Variants in ZFR observed in about 807,000 individuals in gnomAD.
ZFR encodes zinc finger RNA binding protein.
Under a neutral mutation model 130.7 loss-of-function variants are expected in ZFR, and 19 were observed. That is an observed-to-expected ratio of 0.15 (90% CI 0.10 to 0.21). The LOEUF is 0.21. Among genes scored for constraint, ZFR ranks in the 10% least tolerant of loss-of-function variants. The pLI, the probability that ZFR is intolerant of heterozygous loss-of-function variation, is 1.00. For missense variants in ZFR, 872 were observed against 1,321.5 expected (o/e 0.66, Z 5.27); for synonymous variants, 466 against 456.9 (o/e 1.02, Z -0.25).
At chr5:32,441,709 GTTA>G (rs1754479425) in intron 2 of ZFR, among the ~76,000 whole-genome samples, 1 of 152,120 alleles carries the variant, frequency 6.6e-6, no homozygotes, top group African/African-American at 2.4e-5. Flanking sequence ...ATGTGCTTTT[GTTA>G]TTAATGTTAT....
At chr5:32,355,987 T>G in intron 19 of ZFR, 48 bp from the exon 20 acceptor site, 1 of 1,476,228 alleles carries the variant, frequency 6.8e-7, no homozygotes, top group Non-Finnish European at 9.1e-7. Flanking sequence ...AAACCCCAAG[T>G]AGTAATACTT....
intron 2 of ZFR, among the ~76,000 whole-genome samples, chr5:32,437,420 A>AC (rs995098949): frequency 5.9e-5 from 9 of 152,152 alleles, no homozygotes; most frequent in Admixed American, 5.2e-4. Flanking sequence ...ACAAAAAAAA[A>AC]CCCAAAGTTT....
intron 2 of ZFR, among the ~76,000 whole-genome samples, chr5:32,443,841 T>C (rs1384874410): frequency 2.6e-5 from 4 of 151,966 alleles, no homozygotes; most frequent in Admixed American, 1.3e-4. Flanking sequence ...ATCCCCCAAG[T>C]GGGAAGAAGA....
chr5:32,354,645 A>G lies in ZFR; in HGVS notation c.*1115T>C, dbSNP rs1752267667. 6.6e-6 allele frequency: 1 copy of G among 152,622 alleles called. No homozygotes were observed. The highest frequency in any genetic ancestry group is 1.5e-5 in the Non-Finnish European group (1 of 68,014). 9.5% of individuals were successfully genotyped at this position (152,622 alleles called of 1,614,324 possible). ...TGTTTTTTTCCTTAGATAATTTTTTATCAGTAATACTTTATCAACCTCACT... is the reference window on the plus strand; with the variant it reads ...TGTTTTTTTCCTTAGATAATTTTTTGTCAGTAATACTTTATCAACCTCACT... On this transcript the variant is annotated 3_prime_UTR_variant, in exon 20 of 20. Transcript: ENST00000265069.
Position 32,395,047 on chromosome 5 carries a change from T to C in ZFR, c.1979+112A>G, listed in dbSNP as rs182131527. 4.5e-5 allele frequency: 62 copies of C among 1,369,708 alleles called. No homozygotes were observed. The Admixed American group carries it at 1.3e-3, about 28-fold the overall frequency. The allele number at this position is 1,369,708 out of a possible 1,614,324, so 84.8% of individuals were successfully genotyped here. A position where few individuals can be genotyped will look rare whatever the true frequency, so the allele number is the denominator to read the frequency against. ...CTAGGATCTTCCTCAAGAGTGAAAA[T>C]TGGAAGTAAATAAATCTGGATTGCT... is the stretch of plus-strand genomic sequence containing the variant. On this transcript the variant is annotated intron_variant, in intron 11 of 19. Transcript: ENST00000265069.
chr5:32,386,711 G>T (rs1440833970), intron 14 of ZFR, among the ~76,000 whole-genome samples: 2 of 152,036 alleles, frequency 1.3e-5, no homozygotes, highest in Non-Finnish European at 2.9e-5. Flanking sequence ...ACAAGCAACA[G>T]TAAGTGCAGA....
At chr5:32,397,081 T>G in intron 10 of ZFR, 138 bp downstream of exon 10, 7 of 911,100 alleles carry the variant, frequency 7.7e-6, no homozygotes, top group Non-Finnish European at 1.1e-5. Flanking sequence ...TCTACCAACA[T>G]GACATGCTAA....
At chr5:32,417,913 T>A in intron 3 of ZFR, 121 bp from the exon 4 acceptor site, 1 of 876,688 alleles carries the variant, frequency 1.1e-6, no homozygotes, top group African/African-American at 1.7e-5. Flanking sequence ...ATGACAGACC[T>A]AAACATAAAA....
intron 2 of ZFR, among the ~76,000 whole-genome samples, chr5:32,442,412 G>C (rs182584099): frequency 6.6e-6 from 1 of 152,110 alleles, no homozygotes; most frequent in African/African-American, 2.4e-5. Context: ...AAAACCACTT[G>C]TACCCCAAAA....
chr5:32,369,797 G>A (rs572186270), intron 17 of ZFR, among the ~76,000 whole-genome samples: 2 of 152,218 alleles, frequency 1.3e-5, no homozygotes, highest in South Asian at 2.1e-4. Flanking sequence ...GAGTGACAGA[G>A]TGAAACTCTG....
At chr5:32,372,693 C>G (rs1008493656) in intron 17 of ZFR, among the ~76,000 whole-genome samples, 1 of 151,832 alleles carries the variant, frequency 6.6e-6, no homozygotes, top group Non-Finnish European at 1.5e-5. Flanking sequence ...ATTATCCAGA[C>G]ATGGTGGCGC....
chr5:32,423,345 T>A (rs1385940517), intron 2 of ZFR, among the ~76,000 whole-genome samples: 1 of 152,018 alleles, frequency 6.6e-6, no homozygotes, highest in African/African-American at 2.4e-5. Flanking sequence ...AAATTTTTTT[T>A]AAATTTAAAA....
chr5:32,383,678 AC>A (rs1460651098), intron 15 of ZFR: 8 of 444,676 alleles, frequency 1.8e-5, no homozygotes, highest in African/African-American at 1.6e-4. Context: ...TAACCCCTGT[AC>A]TAACTCCCCA....
At chr5:32,372,834 CA>C (rs201345321) in intron 17 of ZFR, among the ~76,000 whole-genome samples, 1 of 150,936 alleles carries the variant, frequency 6.6e-6, no homozygotes, top group Non-Finnish European at 1.5e-5. Context: ...GACTTGGTCT[CA>C]AAAAAACAAA....
rs143530492 is a variant in ZFR at position 32,390,411 on chromosome 5, C to T, written c.2006G>A (p.Arg669Lys). The T allele has an allele frequency of 1.5e-4, 244 of 1,613,980 alleles. No homozygotes were observed. The highest frequency in any genetic ancestry group is 2.0e-4 in the Non-Finnish European group (234 of 1,179,986). ...ATGATGTTGTTCTTCCTCCATTCTCCTCCAGTACATGTCCTCTTCATAACG... is the reference window on the plus strand; with the variant it reads ...ATGATGTTGTTCTTCCTCCATTCTCTTCCAGTACATGTCCTCTTCATAACG... ...MRRYEEDMYWRRMEEEQHHWD... is the reference protein window; with the variant it reads ...MRRYEEDMYWKRMEEEQHHWD... Residue 669 changes from arginine to lysine, a missense_variant, in exon 12 of 20, where the codon AGG (arginine) becomes AAG (lysine). Physicochemically the swap from Arg to Lys is conservative, Grantham distance 26. Transcript: ENST00000265069.
rs543473354 is a variant in ZFR, at chr5:32,392,949, C to T, written c.1979+2210G>A. Among the ~76,000 whole-genome samples the T allele has an allele frequency of 2.6e-5, 4 of 152,162 alleles. No individual in the cohort carries two copies. The South Asian group carries it at 6.2e-4, about 24-fold the overall frequency. On this transcript the variant is annotated intron_variant, in intron 11 of 19. Coordinates refer to ENST00000265069, the MANE Select transcript of ZFR (RefSeq NM_016107.5). ...GGTGGAGAGTGCAGTGAGCCAAGATCGTGCCATTGCACTCCAGCCTCGGCA... is the reference window on the plus strand; with the variant it reads ...GGTGGAGAGTGCAGTGAGCCAAGATTGTGCCATTGCACTCCAGCCTCGGCA...
chr5:32,412,054 G>A (rs781184095), intron 5 of ZFR, among the ~76,000 whole-genome samples: 4 of 152,178 alleles, frequency 2.6e-5, no homozygotes, highest in Non-Finnish European at 5.9e-5. Context: ...AAAGGATTTT[G>A]CAACTACCAC....
At chr5:32,398,262 G>C (rs1229501553) in intron 9 of ZFR, among the ~76,000 whole-genome samples, 1 of 152,174 alleles carries the variant, frequency 6.6e-6, no homozygotes, top group African/African-American at 2.4e-5. Flanking sequence ...TGCTGGCCAA[G>C]TATTGTTCTT....
intron 17 of ZFR, among the ~76,000 whole-genome samples, chr5:32,378,337 A>G (rs909440165): frequency 1.4e-4 from 22 of 152,204 alleles, no homozygotes; most frequent in African/African-American, 5.3e-4. Context: ...GAACTCTAAG[A>G]TGAGATTTGT....
Sources: gnomAD v4.1 joint callset for allele counts (sites outside exome capture counted in the v4.1 genomes callset) on GRCh38, gnomAD v4.1.1 for gene constraint, MANE v1.5 for transcripts, NCBI Gene and HGNC (gene_info 2026-07-23, HGNC 2026-07-21) for gene names.